ARID1B: variants seen among roughly 807,000 people sequenced by gnomAD.
ARID1B encodes AT-rich interaction domain 1B.
ARID1B carries 30 observed loss-of-function variants against 212.3 expected under a neutral mutation model. That is an observed-to-expected ratio of 0.14 (90% CI 0.11 to 0.19). The LOEUF (loss-of-function observed/expected upper bound fraction) is 0.19. Among genes scored for constraint, ARID1B ranks in the 10% least tolerant of loss-of-function variants. The pLI is 1.00. For synonymous variants in ARID1B, 1,402 were observed against 1,301.7 expected (o/e 1.08, Z -1.66); for missense variants, 2,891 against 3,204.0 (o/e 0.90, Z 2.36).
intron 4 of ARID1B, among the ~76,000 whole-genome samples, chr6:157,073,746 C>A (rs1784129052): frequency 6.6e-6 from 1 of 152,110 alleles, no homozygotes; most frequent in African/African-American, 2.4e-5. Context: ...CTGCTCTTAC[C>A]CCACAATTCC....
chr6:157,010,899 C>G (rs142075029), intron 4 of ARID1B, among the ~76,000 whole-genome samples: 1 of 152,144 alleles, frequency 6.6e-6, no homozygotes, highest in Non-Finnish European at 1.5e-5. Context: ...ATAGAACTAT[C>G]ATAGGGAATT....
chr6:156,959,980 G>C (rs1446640476), intron 4 of ARID1B, among the ~76,000 whole-genome samples: 2 of 146,652 alleles, frequency 1.4e-5, no homozygotes, highest in African/African-American at 2.5e-5. Context: ...GCCCTGGCTG[G>C]AGTGCAATGG....
chr6:156,976,256 T>G (rs915468739), intron 4 of ARID1B: 1 of 157,140 alleles, frequency 6.4e-6, no homozygotes, highest in Non-Finnish European at 1.4e-5. Flanking sequence ...ACGGCTTAAC[T>G]TGGGCTCAGA....
At chr6:157,182,847 C>T (rs1226618972) in intron 12 of ARID1B, among the ~76,000 whole-genome samples, 8 of 152,120 alleles carry the variant, frequency 5.3e-5, no homozygotes, top group Non-Finnish European at 1.0e-4. Context: ...GGCTCCTTTG[C>T]CTTCTGCCCC....
intron 4 of ARID1B, among the ~76,000 whole-genome samples, chr6:156,950,268 C>T (rs1365335995): frequency 1.3e-5 from 2 of 152,208 alleles, no homozygotes; most frequent in Non-Finnish European, 2.9e-5. Flanking sequence ...AAACTCCTTA[C>T]ATTGCTCAAA....
At chr6:157,143,072 C>T (rs1789486484) in intron 7 of ARID1B, among the ~76,000 whole-genome samples, 1 of 152,178 alleles carries the variant, frequency 6.6e-6, no homozygotes, top group African/African-American at 2.4e-5. Flanking sequence ...TAGGGTCTAG[C>T]TTCTGCTTCC....
At chr6:156,897,288 A>ATTT in intron 2 of ARID1B, among the ~76,000 whole-genome samples, 1 of 136,744 alleles carries the variant, frequency 7.3e-6, no homozygotes, top group Non-Finnish European at 1.6e-5. Flanking sequence ...TATTATTATT[A>ATTT]TTTGAGACAG....
At chr6:157,114,145 G>A (rs1007781622) in intron 6 of ARID1B, among the ~76,000 whole-genome samples, 14 of 152,102 alleles carry the variant, frequency 9.2e-5, no homozygotes, top group African/African-American at 3.1e-4. Context: ...ATACTCTTAC[G>A]GTTGATATAT....
At chr6:157,196,909 G>C (rs1793767574) in intron 16 of ARID1B, among the ~76,000 whole-genome samples, 1 of 152,234 alleles carries the variant, frequency 6.6e-6, no homozygotes, top group African/African-American at 2.4e-5. Context: ...TGAAATGACT[G>C]AAAATGGCAA....
chr6:157,206,884 A>C lies in ARID1B; in HGVS notation c.6112A>C (p.Asn2038His), dbSNP rs757171511. ...FGIQQAKSHR[N>H]IKLLEDEPRS... ...TATCCAGCAAGCCAAAAGTCACCGG[A>C]ACATCAAGCTGCTGGAGGACGAGCC... The change falls in exon 20 of 20, where the codon AAC becomes CAC. Residue 2038 changes from asparagine (N) to histidine (H), a missense_variant. By Grantham distance (68) the Asn-to-His change is moderately conservative. Coordinates refer to ENST00000636930, the MANE Select transcript of ARID1B (RefSeq NM_001374828.1). This position sits in a 1 kb window ranked among gnomAD's most constrained non-coding sequence, Gnocchi z 6.8. The C allele has an allele frequency of 2.5e-5, 41 of 1,614,080 alleles. No individual in the cohort carries two copies. The highest frequency in any genetic ancestry group is 3.0e-5 in the Non-Finnish European group (35 of 1,180,046).
intron 5 of ARID1B, among the ~76,000 whole-genome samples, chr6:157,086,900 T>G (rs953409931): frequency 6.6e-6 from 1 of 152,240 alleles, no homozygotes; most frequent in Non-Finnish European, 1.5e-5. Context: ...TCGCAGTGAC[T>G]GCAGATGCGT....
chr6:157,083,170 A>C (rs1017287341), intron 4 of ARID1B, among the ~76,000 whole-genome samples: 1 of 152,200 alleles, frequency 6.6e-6, no homozygotes, highest in East Asian at 1.9e-4. Context: ...TATTCTCAGA[A>C]GTCCCAGTTG....
intron 4 of ARID1B, chr6:156,938,263 G>A (rs1792415232): frequency 6.6e-6 from 1 of 152,094 alleles, no homozygotes; most frequent in Non-Finnish European, 1.5e-5. Flanking sequence ...TTGATACTCT[G>A]TTACGGCTCT....
intron 2 of ARID1B, among the ~76,000 whole-genome samples, chr6:156,896,867 G>A (rs1582898013): frequency 6.6e-6 from 1 of 152,138 alleles, no homozygotes; most frequent in African/African-American, 2.4e-5. Context: ...GACAGAGCGA[G>A]ACTCCACCTC....
chr6:156,912,866 C>A (rs1299305461), intron 3 of ARID1B, among the ~76,000 whole-genome samples: 5 of 152,174 alleles, frequency 3.3e-5, no homozygotes, highest in Non-Finnish European at 5.9e-5. Context: ...ATTTCTCCCA[C>A]CCCAAACAAA....
At position 157,207,685 on chromosome 6, in the gene ARID1B, A is replaced by C. The variant is rs1181252259; in HGVS notation, c.6913A>C (p.Met2305Leu). 1.2e-6 allele frequency: 2 copies of C among 1,610,386 alleles called. No homozygotes were observed. The highest frequency in any genetic ancestry group is 1.7e-5 in the Admixed American group (1 of 59,974). Reference sequence around the variant, plus strand: ...GCAGAGCCAGCACAACCTCATGCACATGCAGCCCCCGCCCCTGGAACCACC... The same window carrying C: ...GCAGAGCCAGCACAACCTCATGCACCTGCAGCCCCCGCCCCTGGAACCACC... ...YQQSQHNLMH[M>L]QPPPLEPPSV... The change falls in exon 20 of 20, where the codon ATG becomes CTG. Residue 2305 changes from methionine to leucine, a missense_variant. Met to Leu is a conservative substitution (Grantham distance 15). This residue lies in a region of ARID1B where 187 missense variants were observed against 306.5 expected (regional missense o/e 0.61). Transcript: ENST00000636930. The surrounding 1 kb of genome is among the most constrained non-coding windows in gnomAD (Gnocchi z 8.5).
chr6:157,004,890 C>CTTT (rs1779118895), intron 4 of ARID1B, among the ~76,000 whole-genome samples: 1 of 35,688 alleles, frequency 2.8e-5, no homozygotes, highest in African/African-American at 6.5e-5. Context: ...TTTTCTTCTT[C>CTTT]TTTTTTCTTT....
At chr6:156,864,059 T>C (rs1226523457) in intron 2 of ARID1B, among the ~76,000 whole-genome samples, 3 of 152,240 alleles carry the variant, frequency 2.0e-5, no homozygotes, top group African/African-American at 7.2e-5. Context: ...TATCCTTTTT[T>C]TTCTTCAAGT....
chr6:156,982,893 T>G (rs76886414), intron 4 of ARID1B, among the ~76,000 whole-genome samples: 2,439 of 152,262 alleles, frequency 0.016, 65 homozygotes, highest in African/African-American at 0.056. Context: ...GGCAGGAGGC[T>G]TCCTCAAAAG....
Sources: gnomAD v4.1 joint callset for allele counts (sites outside exome capture counted in the v4.1 genomes callset) on GRCh38, gnomAD v4.1.1 for gene constraint, gnomAD v4.1.1 regional missense constraint, Gnocchi (gnomAD v3.1) non-coding constraint, MANE v1.5 for transcripts, NCBI Gene and HGNC (gene_info 2026-07-23, HGNC 2026-07-21) for gene names.